PRKAR1A: variants seen among roughly 807,000 people sequenced by gnomAD.
PRKAR1A encodes the protein protein kinase cAMP-dependent type I regulatory subunit alpha.
In PRKAR1A, 3 loss-of-function variants were observed where a neutral mutation model predicts 52.0. The observed-to-expected ratio is 0.06, with a 90% confidence interval of 0.03 to 0.15. The LOEUF is 0.15. Among genes scored for constraint, PRKAR1A ranks in the 10% least tolerant of loss-of-function variants. The pLI is 1.00. For missense variants in PRKAR1A, 240 were observed against 477.4 expected, an observed-to-expected ratio of 0.50 and a Z score of 4.63; for synonymous variants, 188 against 168.4, an observed-to-expected ratio of 1.12 and a Z score of -0.90.
At chr17:68,419,103 A>G in the PRKAR1A span, among the ~76,000 whole-genome samples, 1 of 151,542 alleles carries the variant, frequency 6.6e-6, no homozygotes, top group Non-Finnish European at 1.5e-5. Context: ...CCTCTTCTGG[A>G]TGGCTTTCAC....
intron 6 of PRKAR1A, among the ~76,000 whole-genome samples, chr17:68,525,543 G>C (rs867378020): frequency 3.3e-5 from 5 of 152,056 alleles, no homozygotes; most frequent in Admixed American, 2.0e-4. Flanking sequence ...TTTCTTATCA[G>C]ATAATTAAAT....
chr17:68,535,084 T>C (rs1165765491), downstream of PRKAR1A: 2 of 360,178 alleles, frequency 5.6e-6, no homozygotes, highest in South Asian at 2.2e-5. Context: ...GTTCATTTTT[T>C]AGTTTGCTGT....
chr17:68,435,324 T>C, the PRKAR1A span, among the ~76,000 whole-genome samples: 1 of 152,188 alleles, frequency 6.6e-6, no homozygotes, highest in Non-Finnish European at 1.5e-5. Context: ...GTTTATAAGG[T>C]GTAGCATTTG....
chr17:68,479,131 T>G, the PRKAR1A span, among the ~76,000 whole-genome samples: 3 of 152,248 alleles, frequency 2.0e-5, no homozygotes, highest in Non-Finnish European at 2.9e-5. Context: ...AGTATTTTAG[T>G]TTCTACATTG....
chr17:68,451,856 C>T, the PRKAR1A span, among the ~76,000 whole-genome samples: 1 of 152,204 alleles, frequency 6.6e-6, no homozygotes, highest in East Asian at 1.9e-4. Flanking sequence ...ACAAAGGTTA[C>T]GGCTTTGGTA....
At chr17:68,546,207 A>C (rs1284621816) in intron 11 of PRKAR1A, among the ~76,000 whole-genome samples, 1 of 149,246 alleles carries the variant, frequency 6.7e-6, no homozygotes, top group Non-Finnish European at 1.5e-5. Context: ...CAGCAACTCT[A>C]TCTGTTCAAG....
chr17:68,465,620 C>T, the PRKAR1A span, among the ~76,000 whole-genome samples: 1 of 72,128 alleles, frequency 1.4e-5, no homozygotes, highest in African/African-American at 4.2e-5. Flanking sequence ...CGACCACGCC[C>T]AGCAATTTTT....
chr17:68,433,906 C>T, the PRKAR1A span, among the ~76,000 whole-genome samples: 50,757 of 150,854 alleles, frequency 0.34, 8,784 homozygotes, highest in Admixed American at 0.47. Flanking sequence ...CCTCAGCCTC[C>T]CAAGTAGCTG....
the PRKAR1A span, among the ~76,000 whole-genome samples, chr17:68,454,784 C>G: frequency 6.6e-6 from 1 of 152,162 alleles, no homozygotes; most frequent in Non-Finnish European, 1.5e-5. Flanking sequence ...AATACTGTAA[C>G]TAGAGTCTTA....
intron 3 of PRKAR1A, 148 bp downstream of exon 3, chr17:68,523,074 C>T: frequency 1.1e-6 from 1 of 886,976 alleles, no homozygotes; most frequent in Non-Finnish European, 1.7e-6. Flanking sequence ...AAACAGGTTT[C>T]TGTAATAGCA....
At chr17:68,444,510 A>T in the PRKAR1A span, 1 of 1,613,782 alleles carries the variant, frequency 6.2e-7, no homozygotes, top group East Asian at 2.2e-5. Flanking sequence ...GTTTGCAGGA[A>T]TATCCAGGAG....
chr17:68,543,608 C>T, intron 11 of PRKAR1A: 7 of 1,611,234 alleles, frequency 4.3e-6, no homozygotes, highest in South Asian at 1.1e-5. Flanking sequence ...GCAATGCCAT[C>T]TCCATGGGGC....
chr17:68,467,595 A>C, the PRKAR1A span, among the ~76,000 whole-genome samples: 1 of 152,162 alleles, frequency 6.6e-6, no homozygotes, highest in African/African-American at 2.4e-5. Flanking sequence ...TACTCTCAAG[A>C]TCCCTGTGCT....
At chr17:68,533,972 A>G (rs2086042440), downstream of PRKAR1A, among the ~76,000 whole-genome samples, 1 of 152,060 alleles carries the variant, frequency 6.6e-6, no homozygotes, top group Non-Finnish European at 1.5e-5. Flanking sequence ...CAGTTTGCCC[A>G]CCTTAGCCTC....
chr17:68,510,155 T>TAGAGAGAGAGAGAGAG, upstream of PRKAR1A, among the ~76,000 whole-genome samples: 2 of 74,372 alleles, frequency 2.7e-5, no homozygotes, highest in African/African-American at 4.4e-5. Flanking sequence ...TATATATATG[T>TAGAGAGAGAGAGAGAG]AGACAGAGAG....
At chr17:68,448,861 A>C in the PRKAR1A span, among the ~76,000 whole-genome samples, 5 of 151,670 alleles carry the variant, frequency 3.3e-5, no homozygotes, top group African/African-American at 1.2e-4. Flanking sequence ...CAATCAGAAA[A>C]CTCTCAAACT....
chr17:68,436,333 ACACAGC>A, the PRKAR1A span: 1 of 1,564,242 alleles, frequency 6.4e-7, no homozygotes, highest in Non-Finnish European at 8.8e-7. Flanking sequence ...TTCCATGACC[ACACAGC>A]CAAGGCAGGT....
At chr17:68,522,969 C>G in intron 3 of PRKAR1A, 43 bp downstream of exon 3, 1 of 1,607,026 alleles carries the variant, frequency 6.2e-7, no homozygotes, top group South Asian at 1.1e-5. Context: ...TTTTGGGACC[C>G]ACTTGGTGGT....
chr17:68,487,166 C>A, the PRKAR1A span, among the ~76,000 whole-genome samples: 1 of 152,214 alleles, frequency 6.6e-6, no homozygotes, highest in African/African-American at 2.4e-5. Flanking sequence ...GCCACTGCGC[C>A]CGGCCTGTTA....
Sources: gnomAD v4.1 joint callset for allele counts (sites outside exome capture counted in the v4.1 genomes callset) on GRCh38, gnomAD v4.1.1 for gene constraint, MANE v1.5 for transcripts, NCBI Gene and HGNC (gene_info 2026-07-23, HGNC 2026-07-21) for gene names.